Variants in JMY observed in about 807,000 individuals in gnomAD.
JMY encodes junction mediating and regulatory protein, p53 cofactor, also known as junction-mediating and -regulatory protein.
Under a neutral mutation model 103.3 loss-of-function variants are expected in JMY, and 46 were observed. That is an observed-to-expected ratio of 0.45 (90% CI 0.35 to 0.57). The LOEUF is 0.57. Among genes scored for constraint, JMY ranks in the 20% least tolerant of loss-of-function variants. JMY has a pLI of 0.00. For missense variants in JMY, 1,238 were observed against 1,255.2 expected (o/e 0.99, Z 0.21); for synonymous variants, 526 against 489.3 (o/e 1.07, Z -0.99).
chr5:79,296,232 A>G (rs962908696), intron 4 of JMY, among the ~76,000 whole-genome samples: 2 of 152,216 alleles, frequency 1.3e-5, no homozygotes, highest in African/African-American at 4.8e-5. Flanking sequence ...TTTTCCACAA[A>G]TGGATTGTGA....
intron 1 of JMY, among the ~76,000 whole-genome samples, chr5:79,273,984 C>T (rs1745861090): frequency 6.6e-6 from 1 of 152,072 alleles, no homozygotes; most frequent in Admixed American, 6.5e-5. Flanking sequence ...GTGCCCGCCA[C>T]CATGCCTGGC....
At position 79,236,957 on chromosome 5, in the gene JMY, G is replaced by A; in HGVS notation, c.307G>A (p.Gly103Arg). ...CTCTGCAACTCTGGTTAGGAGCCCCGGGCCCCGGCGGAGCTCGGCCTGGGC... is the reference window on the plus strand; with the variant it reads ...CTCTGCAACTCTGGTTAGGAGCCCCAGGCCCCGGCGGAGCTCGGCCTGGGC... ...TASATLVRSP[G>R]PRRSSAWAEG... The change falls in exon 1 of 11, where the codon GGG (glycine) becomes AGG (arginine). Residue 103 changes from glycine to arginine, a missense_variant. Gly to Arg is a moderately radical substitution (Grantham distance 125, BLOSUM62 -2). Transcript: ENST00000396137. 1 of 1,447,182 alleles carries A rather than the reference G, an allele frequency of 6.9e-7. No individual in the cohort carries two copies. The highest frequency in any genetic ancestry group is 9.1e-7 in the Non-Finnish European group (1 of 1,102,440). The allele number at this position is 1,447,182 out of a possible 1,614,324, so 89.6% of individuals were successfully genotyped here.
At chr5:79,299,355 T>C (rs1425487466) in intron 4 of JMY, among the ~76,000 whole-genome samples, 3 of 152,190 alleles carry the variant, frequency 2.0e-5, no homozygotes, top group Admixed American at 1.3e-4. Context: ...TCTGCCTTTT[T>C]CCGTACAGCC....
intron 1 of JMY, among the ~76,000 whole-genome samples, chr5:79,270,542 TAA>T (rs1561297832): frequency 2.6e-5 from 1 of 38,108 alleles, no homozygotes; most frequent in Non-Finnish European, 7.8e-5. Flanking sequence ...CATAAATATT[TAA>T]AATGTATATT....
Position 79,312,440 on chromosome 5 carries a change from G to T in JMY, c.2006G>T (p.Ser669Ile). The T allele has an allele frequency of 6.3e-7, 1 of 1,587,018 alleles. No homozygotes were observed. The highest frequency in any genetic ancestry group is 1.4e-5 in the African/African-American group (1 of 73,272). Residue 669 changes from serine (S) to isoleucine (I), a missense_variant, in exon 8 of 11, where the codon AGT (serine) becomes ATT (isoleucine). Ser to Ile is a moderately radical substitution (Grantham distance 142, BLOSUM62 -2). Coordinates refer to ENST00000396137, the MANE Select transcript of JMY (RefSeq NM_152405.5). ...EKLHDEEERKSAWVSQERQRT... is the reference protein window; with the variant it reads ...EKLHDEEERKIAWVSQERQRT... ...TTACATGATGAAGAAGAAAGAAAAA[G>T]TGCCTGGGTTAGCCAAGAGAGACAG...
intron 1 of JMY, among the ~76,000 whole-genome samples, chr5:79,246,385 G>C (rs1744903504): frequency 6.6e-6 from 1 of 152,144 alleles, no homozygotes; most frequent in Non-Finnish European, 1.5e-5. Context: ...AATGCTTACT[G>C]TAGGCCAAGC....
chr5:79,260,557 G>GTT (rs1330502586), intron 1 of JMY, among the ~76,000 whole-genome samples: 54 of 142,618 alleles, frequency 3.8e-4, no homozygotes, highest in African/African-American at 1.1e-3. Flanking sequence ...ATTTTTGTGG[G>GTT]TTTTTTTTTT....
chr5:79,292,010 G>A lies in JMY; in HGVS notation c.1527+711G>A, dbSNP rs948046100. ...TGGTTCTCATTGACATTTTTGAAGT[G>A]CTTATGCTCATATACACTTTTTGTT... On this transcript the variant is annotated intron_variant, in intron 4 of 10. Coordinates refer to ENST00000396137, the MANE Select transcript of JMY (RefSeq NM_152405.5). Among the ~76,000 whole-genome samples, 5 of 152,184 alleles carry A rather than the reference G, an allele frequency of 3.3e-5. No homozygotes were observed. The East Asian group carries it at 9.7e-4, about 29-fold the overall frequency.
intron 2 of JMY, among the ~76,000 whole-genome samples, chr5:79,279,842 T>G (rs762170675): frequency 5.3e-5 from 8 of 152,070 alleles, no homozygotes; most frequent in Non-Finnish European, 8.8e-5. Context: ...TGGTTTTTTT[T>G]GTTTTGTTTT....
intron 10 of JMY, among the ~76,000 whole-genome samples, chr5:79,320,493 G>A (rs1747416869): frequency 6.6e-6 from 1 of 151,914 alleles, no homozygotes; most frequent in African/African-American, 2.4e-5. Context: ...TGAAGTTTTA[G>A]TAGAGAGGGG....
intron 1 of JMY, among the ~76,000 whole-genome samples, chr5:79,259,821 G>T (rs1292564139): frequency 6.6e-6 from 1 of 152,246 alleles, no homozygotes; most frequent in Non-Finnish European, 1.5e-5. Flanking sequence ...CAGGGGCAAG[G>T]TGGGGCCTTC....
At chr5:79,246,527 C>T (rs1027103106) in intron 1 of JMY, among the ~76,000 whole-genome samples, 2 of 152,142 alleles carry the variant, frequency 1.3e-5, no homozygotes, top group Non-Finnish European at 2.9e-5. Flanking sequence ...TTACCTGATG[C>T]AGTGCCTTAG....
chr5:79,270,171 C>T (rs560240163), intron 1 of JMY, among the ~76,000 whole-genome samples: 2 of 151,758 alleles, frequency 1.3e-5, no homozygotes, highest in African/African-American at 4.8e-5. Flanking sequence ...TTAATTAGGA[C>T]TTTCAGTACT....
chr5:79,266,479 ATAT>A (rs1337240815), intron 1 of JMY, among the ~76,000 whole-genome samples: 4 of 152,240 alleles, frequency 2.6e-5, no homozygotes, highest in African/African-American at 9.6e-5. Flanking sequence ...ATAGTTGTAC[ATAT>A]TTAGGTGGTA....
At chr5:79,270,294 AT>A (rs1745707298) in intron 1 of JMY, among the ~76,000 whole-genome samples, 1 of 145,408 alleles carries the variant, frequency 6.9e-6, no homozygotes, top group South Asian at 2.1e-4. Flanking sequence ...TAAAATATAT[AT>A]TTACATAAAT....
intron 1 of JMY, among the ~76,000 whole-genome samples, chr5:79,270,664 A>G (rs979833704): frequency 1.4e-5 from 2 of 146,336 alleles, no homozygotes; most frequent in African/African-American, 4.9e-5. Context: ...ATATATTTAC[A>G]TAAATATAAA....
intron 1 of JMY, among the ~76,000 whole-genome samples, chr5:79,259,581 C>G (rs539308841): frequency 2.0e-5 from 3 of 152,222 alleles, no homozygotes; most frequent in Admixed American, 1.3e-4. Context: ...TGTGGGCCAG[C>G]GCTGAGCTGC....
chr5:79,283,619 G>A (rs1580353706), intron 2 of JMY, among the ~76,000 whole-genome samples: 1 of 152,192 alleles, frequency 6.6e-6, no homozygotes, highest in East Asian at 1.9e-4. Flanking sequence ...CTACTACATT[G>A]GGTCTCAAAA....
chr5:79,314,920 G>C (rs976963606), intron 9 of JMY, 69 bp downstream of exon 9: 2 of 1,400,418 alleles, frequency 1.4e-6, no homozygotes, highest in East Asian at 2.3e-5. Flanking sequence ...TATATTTTTT[G>C]ACGTTGCAAA....
Sources: gnomAD v4.1 joint callset for allele counts (sites outside exome capture counted in the v4.1 genomes callset) on GRCh38, gnomAD v4.1.1 for gene constraint, MANE v1.5 for transcripts, NCBI Gene and HGNC (gene_info 2026-07-23, HGNC 2026-07-21) for gene names.